Variants in CFTR observed in about 807,000 individuals in gnomAD.
CFTR encodes the protein CF transmembrane conductance regulator.
In CFTR, 181 loss-of-function variants were observed where a neutral mutation model predicts 171.6. The observed-to-expected ratio is 1.05, with a 90% CI of 0.93 to 1.19. The LOEUF is 1.19. Ranked by LOEUF, CFTR falls within the 50% of genes most tolerant of loss-of-function variation. The pLI, the probability that CFTR is intolerant of heterozygous loss-of-function variation, is 0.00. For missense variants in CFTR, 1,968 were observed against 1,734.7 expected, an observed-to-expected ratio of 1.13 and a Z score of -2.39; for synonymous variants, 583 against 608.0, an observed-to-expected ratio of 0.96 and a Z score of 0.60.
In CFTR at chr7:117,574,688, T is replaced by C. The variant is rs1791746481; in HGVS notation, c.1585-13051T>C. Among the ~76,000 whole-genome samples, 3 of 152,250 alleles carry C rather than the reference T, an allele frequency of 2.0e-5. No homozygotes were observed. In the South Asian group the frequency reaches 6.2e-4, roughly 32 times the overall value. On this transcript the variant is annotated intron_variant, in intron 11 of 26. Coordinates refer to ENST00000003084, the MANE Select transcript of CFTR (RefSeq NM_000492.4). Reference sequence around the variant, plus strand: ...TACCCCATTCTTCTTACCATCATTCTTTCACAAAACCCCCAGCTTTAGACA... The same window carrying C: ...TACCCCATTCTTCTTACCATCATTCCTTCACAAAACCCCCAGCTTTAGACA...
rs3034794 is a variant in CFTR at position 117,548,333 on chromosome 7, G to GGTGTGTGTGTGTGTGTGT, written c.1210-293_1210-276dup. 2.8e-3 allele frequency among the ~76,000 whole-genome samples: 406 copies of GGTGTGTGTGTGTGTGTGT among 144,154 alleles called. 2 individuals carry two copies. The highest frequency in any genetic ancestry group is 8.2e-3 in the African/African-American group (319 of 39,104). The allele number at this position is 144,154 out of a possible 152,430, so 94.6% of individuals were successfully genotyped here. The stretch of plus-strand genomic sequence containing the variant: ...ATGTACCCCGCTTATAGGAGAAGAG[G>GGTGTGTGTGTGTGTGTGT]GTGTGTGTGTGTGTGTGTGTGTGTG... On this transcript the variant is annotated intron_variant, in intron 9 of 26. Transcript: ENST00000003084.
chr7:117,530,896 T>C lies in CFTR; in HGVS notation c.274-3T>C, dbSNP rs1554379763. 1 of 1,596,080 alleles carries C rather than the reference T, an allele frequency of 6.3e-7. No individual in the cohort carries two copies. On this transcript the variant is annotated splice_region_variant and splice_polypyrimidine_tract_variant and intron_variant, in intron 3 of 26. Transcript: ENST00000003084. Reference sequence around the variant, plus strand: ...TAATTTCTCTGTTTTTCCCCTTTTGTAGGAAGTCACCAAAGCAGTACAGCC... The same window carrying C: ...TAATTTCTCTGTTTTTCCCCTTTTGCAGGAAGTCACCAAAGCAGTACAGCC...
intron 10 of CFTR, among the ~76,000 whole-genome samples, chr7:117,556,104 C>T (rs1799347944): frequency 6.6e-6 from 1 of 152,088 alleles, no homozygotes; most frequent in Non-Finnish European, 1.5e-5. Context: ...GTCTTACTGT[C>T]ACCAGGCTGG....
At chr7:117,623,934 G>T (rs1405904515) in intron 21 of CFTR, among the ~76,000 whole-genome samples, 1 of 152,042 alleles carries the variant, frequency 6.6e-6, no homozygotes, top group Non-Finnish European at 1.5e-5. Context: ...GTCCTCTCAC[G>T]TGCAGGAACT....
At chr7:117,656,905 G>A (rs997036209) in intron 24 of CFTR, among the ~76,000 whole-genome samples, 1 of 152,144 alleles carries the variant, frequency 6.6e-6, no homozygotes, top group Non-Finnish European at 1.5e-5. Context: ...GCCTGTGAGT[G>A]TTAAACACTT....
At chr7:117,638,622 GCTA>G (rs1468927583) in intron 22 of CFTR, among the ~76,000 whole-genome samples, 4 of 151,936 alleles carry the variant, frequency 2.6e-5, no homozygotes, top group Admixed American at 2.6e-4. Context: ...TGTAATCCCA[GCTA>G]CTAGGGAAGC....
chr7:117,629,152 G>C (rs567082510), intron 22 of CFTR, among the ~76,000 whole-genome samples: 1 of 152,266 alleles, frequency 6.6e-6, no homozygotes, highest in Admixed American at 6.5e-5. Context: ...AATATGCTTA[G>C]ATATTTCATT....
chr7:117,502,742 C>T (rs1373212883), intron 1 of CFTR, among the ~76,000 whole-genome samples: 1 of 152,172 alleles, frequency 6.6e-6, no homozygotes, highest in African/African-American at 2.4e-5. Context: ...GGAAAAATTA[C>T]AAATGAATCA....
At chr7:117,642,363 A>T in intron 22 of CFTR, 75 bp from the exon 23 acceptor site, 2 of 1,338,898 alleles carry the variant, frequency 1.5e-6, no homozygotes, top group Non-Finnish European at 2.1e-6. Context: ...TTTTTATTGA[A>T]GTACAATACT....
intron 10 of CFTR, among the ~76,000 whole-genome samples, chr7:117,557,357 C>T (rs1175894650): frequency 2.0e-5 from 3 of 151,992 alleles, no homozygotes; most frequent in Non-Finnish European, 4.4e-5. Context: ...AGAATATATT[C>T]GTGTAGTTTC....
intron 8 of CFTR, 40 bp downstream of exon 8, chr7:117,540,386 A>G (rs1562892418): frequency 6.3e-7 from 1 of 1,574,854 alleles, no homozygotes; most frequent in Non-Finnish European, 8.7e-7. Flanking sequence ...TATGATTTAA[A>G]TAATCAGTCA....
chr7:117,656,413 T>A (rs1793184478), intron 24 of CFTR, among the ~76,000 whole-genome samples: 1 of 152,194 alleles, frequency 6.6e-6, no homozygotes. Flanking sequence ...AAATGCCATA[T>A]GACCTAGATG....
chr7:117,509,531 T>C (rs35674779), intron 3 of CFTR, among the ~76,000 whole-genome samples: 1 of 152,178 alleles, frequency 6.6e-6, no homozygotes, highest in East Asian at 1.9e-4. Context: ...ATTACATATA[T>C]GAATGTTTGT....
At chr7:117,665,885 A>G (rs1259132381) in intron 26 of CFTR, among the ~76,000 whole-genome samples, 8 of 152,236 alleles carry the variant, frequency 5.3e-5, no homozygotes, top group Admixed American at 5.2e-4. Flanking sequence ...ATTTTAAAAA[A>G]GGTCCCTGTG....
chr7:117,598,925 T>C (rs1474176287), intron 15 of CFTR, among the ~76,000 whole-genome samples: 2 of 152,230 alleles, frequency 1.3e-5, no homozygotes, highest in Non-Finnish European at 2.9e-5. Flanking sequence ...TGCTACATAA[T>C]GAGCAAGGTT....
Position 117,650,123 on chromosome 7 carries a change from T to C in CFTR, c.3874-2719T>C, listed in dbSNP as rs79791951. Among the ~76,000 whole-genome samples, 654 of 150,536 alleles carry C rather than the reference T, an allele frequency of 4.3e-3. 7 individuals are homozygous for C. Among genetic ancestry groups the C allele is most frequent in the Middle Eastern group, 0.014 (4 of 292 alleles). On this transcript the variant is annotated intron_variant, in intron 23 of 26. Coordinates refer to ENST00000003084, the MANE Select transcript of CFTR (RefSeq NM_000492.4). ...GGCCATCTTAAAGGCCTGAGTGTAG[T>C]GGAAAACCTTTGAAGGTTTGTTAAA...
chr7:117,542,854 C>T (rs1799079974), intron 9 of CFTR, among the ~76,000 whole-genome samples: 2 of 152,298 alleles, frequency 1.3e-5, no homozygotes, highest in East Asian at 1.9e-4. Flanking sequence ...AAACATTCAT[C>T]AGAGTACCAT....
At chr7:117,574,575 A>G (rs941233182) in intron 11 of CFTR, among the ~76,000 whole-genome samples, 7 of 152,234 alleles carry the variant, frequency 4.6e-5, no homozygotes, top group South Asian at 2.1e-4. Flanking sequence ...TCTAGCGTCT[A>G]TTATAGACAG....
At chr7:117,621,401 C>T (rs1034815286) in intron 21 of CFTR, among the ~76,000 whole-genome samples, 1 of 152,108 alleles carries the variant, frequency 6.6e-6, no homozygotes, top group African/African-American at 2.4e-5. Flanking sequence ...TATGACAACT[C>T]AACTCAGTCT....
Sources: gnomAD v4.1 joint callset for allele counts (sites outside exome capture counted in the v4.1 genomes callset) on GRCh38, gnomAD v4.1.1 for gene constraint, MANE v1.5 for transcripts, NCBI Gene and HGNC (gene_info 2026-07-23, HGNC 2026-07-21) for gene names.